The following ADD3 variants were observed in gnomAD, a reference collection of about 807,000 sequenced individuals.
The protein encoded by ADD3 is adducin 3.
Under a neutral mutation model 80.2 loss-of-function variants are expected in ADD3, and 25 were observed. The ratio of observed to expected loss-of-function variants is 0.31; its 90% confidence interval spans 0.23 to 0.44. The LOEUF (loss-of-function observed/expected upper bound fraction) is 0.44. Among genes scored for constraint, ADD3 ranks in the 20% least tolerant of loss-of-function variants. The pLI is 1.00. For synonymous variants in ADD3, 284 were observed against 289.6 expected (o/e 0.98, Z 0.20); for missense variants, 829 against 847.5 (o/e 0.98, Z 0.27).
chr10:110,070,952 T>G (rs1040886867), intron 1 of ADD3, among the ~76,000 whole-genome samples: 6 of 132,864 alleles, frequency 4.5e-5, no homozygotes, highest in Non-Finnish European at 9.6e-5. Context: ...GGTTTTTTTT[T>G]TTGTTTGTTT....
chr10:110,100,084 C>T (rs779290866), intron 1 of ADD3, among the ~76,000 whole-genome samples: 1 of 152,192 alleles, frequency 6.6e-6, no homozygotes. Flanking sequence ...CACAGTGGCT[C>T]ATGCCTATAA....
intron 1 of ADD3, chr10:110,079,181 C>A (rs1476150774): frequency 6.6e-6 from 1 of 152,102 alleles, no homozygotes; most frequent in Non-Finnish European, 1.5e-5. Context: ...GTGTCATGTA[C>A]ATTAGATATA....
At chr10:110,117,511 AG>A in intron 5 of ADD3, 89 bp downstream of exon 5, 1 of 755,460 alleles carries the variant, frequency 1.3e-6, no homozygotes, top group Non-Finnish European at 2.3e-6. Context: ...CAGAATAAGA[AG>A]GTATGGATGG....
rs540548205 is a variant in ADD3 at position 110,025,596 on chromosome 10, T to TA, written c.-30+17301dup. Among the ~76,000 whole-genome samples, 183 of 152,078 alleles carry TA rather than the reference T, an allele frequency of 1.2e-3. 2 individuals carry two copies. The South Asian group carries it at 0.018, about 15-fold the overall frequency. ...AAGCAAATAGAAATAGAGAGGGTGATAAAATCTAGATTCATAGAATTGTGG... is the reference window on the plus strand; with the variant it reads ...AAGCAAATAGAAATAGAGAGGGTGATAAAAATCTAGATTCATAGAATTGTGG... On this transcript the variant is annotated intron_variant, in intron 1 of 14. Coordinates refer to ENST00000356080, the MANE Select transcript of ADD3 (RefSeq NM_016824.5).
chr10:110,123,930 AATC>A, intron 9 of ADD3, 84 bp from the exon 10 acceptor site: 1 of 1,356,764 alleles, frequency 7.4e-7, no homozygotes, highest in Non-Finnish European at 1.0e-6. Flanking sequence ...GAGTCTTTTA[AATC>A]ATTTGTATAC....
intron 1 of ADD3, among the ~76,000 whole-genome samples, chr10:110,024,449 G>T (rs929355850): frequency 3.3e-5 from 5 of 152,196 alleles, no homozygotes; most frequent in Non-Finnish European, 7.3e-5. Flanking sequence ...ACATTTGAAT[G>T]GTGAAACAAG....
chr10:110,129,745 G>C (rs897629341), intron 12 of ADD3, among the ~76,000 whole-genome samples: 2 of 152,086 alleles, frequency 1.3e-5, no homozygotes, highest in African/African-American at 2.4e-5. Context: ...TTGCATTCCA[G>C]CTTCCAAAAA....
At chr10:110,090,613 C>G in intron 1 of ADD3, among the ~76,000 whole-genome samples, 1 of 152,168 alleles carries the variant, frequency 6.6e-6, no homozygotes, top group East Asian at 1.9e-4. Flanking sequence ...TCCAATTGTA[C>G]AATCACAAGG....
intron 1 of ADD3, among the ~76,000 whole-genome samples, chr10:110,060,507 T>C (rs1858750806): frequency 6.6e-6 from 1 of 152,250 alleles, no homozygotes; most frequent in South Asian, 2.1e-4. Context: ...GCAAATCAGA[T>C]AATTTCTTTA....
intron 1 of ADD3, chr10:110,075,666 C>G (rs1023593392): frequency 6.6e-6 from 1 of 152,106 alleles, no homozygotes; most frequent in Non-Finnish European, 1.5e-5. Context: ...AGTGCAAATC[C>G]AAAAAGTATC....
At chr10:110,047,853 A>G (rs559175227) in intron 1 of ADD3, among the ~76,000 whole-genome samples, 1 of 152,336 alleles carries the variant, frequency 6.6e-6, no homozygotes, top group South Asian at 2.1e-4. Flanking sequence ...TAAAATGAGT[A>G]TGTTTAAAAT....
intron 1 of ADD3, among the ~76,000 whole-genome samples, chr10:110,010,133 T>G (rs1852168395): frequency 1.2e-5 from 1 of 85,428 alleles, no homozygotes; most frequent in African/African-American, 4.6e-5. Context: ...CCAGAATGTC[T>G]TTTGAGACCA....
In ADD3 at chr10:110,135,492, A is replaced by C. The variant is rs1225102138; in HGVS notation, c.*1874A>C. On this transcript the variant is annotated 3_prime_UTR_variant, in exon 15 of 15. Coordinates refer to ENST00000356080, the MANE Select transcript of ADD3 (RefSeq NM_016824.5). ...TCTGTGTCCTGTGGAAAAATGTATA[A>C]ATGTTATCTGATATTGCTCTTAGAT... 2 of 152,616 alleles carry C rather than the reference A, an allele frequency of 1.3e-5. No homozygotes were observed. The highest frequency in any genetic ancestry group is 4.8e-5 in the African/African-American group (2 of 41,442). 9.5% of individuals were successfully genotyped at this position (152,616 alleles called of 1,614,324 possible).
At chr10:110,085,287 T>A (rs1426273557) in intron 1 of ADD3, among the ~76,000 whole-genome samples, 1 of 152,218 alleles carries the variant, frequency 6.6e-6, no homozygotes, top group Non-Finnish European at 1.5e-5. Context: ...GCATATATAA[T>A]CTGGAGACCA....
chr10:109,998,397 T>C (rs1158988912), intron 1 of ADD3, among the ~76,000 whole-genome samples: 4 of 152,156 alleles, frequency 2.6e-5, no homozygotes, highest in Non-Finnish European at 5.9e-5. Context: ...ACTTCTCTTC[T>C]CCACAGCTAC....
In ADD3 at chr10:110,070,562, G is replaced by A. The variant is rs1037824633; in HGVS notation, c.-29-30063G>A. ...GTTTGGGAGCAGTATGTATGATTCT[G>A]TAAACTGAAATCCCTCTAATATGTA... On this transcript the variant is annotated intron_variant, in intron 1 of 14. Transcript: ENST00000356080. 7.8e-4 allele frequency among the ~76,000 whole-genome samples: 119 copies of A among 152,286 alleles called. 1 individual carries two copies. Among genetic ancestry groups the A allele is most frequent in the African/African-American group, 2.8e-3 (116 of 41,568 alleles).
intron 10 of ADD3, 55 bp downstream of exon 10, chr10:110,124,329 A>C: frequency 6.4e-7 from 1 of 1,568,284 alleles, no homozygotes; most frequent in East Asian, 2.3e-5. Flanking sequence ...CTAGTTACTC[A>C]AGAATTGAAT....
chr10:110,084,681 C>T (rs991702255), intron 1 of ADD3, among the ~76,000 whole-genome samples: 1 of 152,288 alleles, frequency 6.6e-6, no homozygotes, highest in Middle Eastern at 3.4e-3. Flanking sequence ...TAAGCTCTAA[C>T]ATCTTTAAAT....
chr10:110,037,058 A>G (rs1285897027), intron 1 of ADD3, among the ~76,000 whole-genome samples: 1 of 152,212 alleles, frequency 6.6e-6, no homozygotes, highest in Non-Finnish European at 1.5e-5. Context: ...TGGGAGGACT[A>G]GGTATATCAT....
Sources: gnomAD v4.1 joint callset for allele counts (sites outside exome capture counted in the v4.1 genomes callset) on GRCh38, gnomAD v4.1.1 for gene constraint, MANE v1.5 for transcripts, NCBI Gene and HGNC (gene_info 2026-07-23, HGNC 2026-07-21) for gene names.